The following USP8 variants were observed in gnomAD, a reference collection of about 807,000 sequenced individuals.
The protein encoded by USP8 is ubiquitin carboxyl-terminal hydrolase 8.
In USP8, 27 loss-of-function variants were observed where a neutral mutation model predicts 130.0. The observed-to-expected ratio is 0.21, with a 90% CI of 0.15 to 0.29. The LOEUF (loss-of-function observed/expected upper bound fraction) is 0.29. Among genes scored for constraint, USP8 ranks in the 10% least tolerant of loss-of-function variants. The pLI is 1.00. For missense variants in USP8, 1,029 were observed against 1,312.2 expected (o/e 0.78, Z 3.33); for synonymous variants, 392 against 444.1 (o/e 0.88, Z 1.48).
chr15:50,464,998 A>C, intron 6 of USP8, 49 bp from the exon 7 acceptor site: 1 of 1,599,712 alleles, frequency 6.3e-7, no homozygotes, highest in Non-Finnish European at 8.5e-7. Context: ...TGATGTCAGC[A>C]CATCTTGTGC....
chr15:50,496,150 A>T, intron 17 of USP8, 66 bp downstream of exon 17: 10 of 1,322,984 alleles, frequency 7.6e-6, no homozygotes, highest in Non-Finnish European at 1.0e-5. Context: ...GGATATAGAG[A>T]TGTAAATTTC....
In USP8 at chr15:50,500,609, T is replaced by C. The variant is rs1284966395; in HGVS notation, c.*1521T>C. ...CAAGCAAAACTCTACCACCAGATGC[T>C]GACTGCTTGTTTTGCAGTGTTCAGG... On this transcript the variant is annotated 3_prime_UTR_variant, in exon 20 of 20. Transcript: ENST00000307179. 8.3e-6 allele frequency: 5 copies of C among 605,110 alleles called. No homozygotes were observed. In the Admixed American group the frequency reaches 1.2e-4, roughly 14 times the overall value. The allele number at this position is 605,110 out of a possible 1,614,324, so 37.5% of individuals were successfully genotyped here. A position where few individuals can be genotyped will look rare whatever the true frequency, so the allele number is the denominator to read the frequency against.
intron 4 of USP8, among the ~76,000 whole-genome samples, chr15:50,455,365 A>G (rs2050757992): frequency 6.8e-6 from 1 of 146,908 alleles, no homozygotes; most frequent in Admixed American, 6.7e-5. Context: ...GGCATGAGCC[A>G]CTGCGCCCAG....
At chr15:50,477,252 A>G (rs767539364) in intron 9 of USP8, 24 bp from the exon 10 acceptor site, 1 of 1,596,646 alleles carries the variant, frequency 6.3e-7, no homozygotes, top group East Asian at 2.2e-5. Flanking sequence ...ATTCTAAAAA[A>G]CATTTTTATT....
chr15:50,449,360 C>T (rs765289806), intron 3 of USP8, 40 bp from the exon 4 acceptor site: 11 of 1,368,426 alleles, frequency 8.0e-6, no homozygotes, highest in East Asian at 2.4e-5. Context: ...CATGCAATGC[C>T]GAGAACTAAC....
At chr15:50,489,319 T>G (rs892351408) in intron 12 of USP8, among the ~76,000 whole-genome samples, 1 of 152,200 alleles carries the variant, frequency 6.6e-6, no homozygotes, top group Non-Finnish European at 1.5e-5. Context: ...TAGGATACTA[T>G]AACGTCTATT....
In USP8 at chr15:50,509,988, T is replaced by C. The variant is rs1028792576; in HGVS notation, c.*10900T>C. Reference sequence around the variant, plus strand: ...TTGCTCTGCCAGATATCAATGTTTATTTCAAAGCTATAGCTATAATTAATA... The same window carrying C: ...TTGCTCTGCCAGATATCAATGTTTACTTCAAAGCTATAGCTATAATTAATA... On this transcript the variant is annotated 3_prime_UTR_variant, in exon 20 of 20. Coordinates refer to ENST00000307179, the MANE Select transcript of USP8 (RefSeq NM_005154.5). 3.9e-5 allele frequency: 6 copies of C among 152,114 alleles called. No individual in the cohort carries two copies. Among genetic ancestry groups the C allele is most frequent in the African/African-American group, 4.8e-5 (2 of 41,458 alleles). 9.4% of individuals were successfully genotyped at this position (152,114 alleles called of 1,614,324 possible). A position where few individuals can be genotyped will look rare whatever the true frequency, so the allele number is the denominator to read the frequency against.
Position 50,439,155 on chromosome 15 carries a change from C to A in USP8, c.82C>A (p.Pro28Thr). Residue 28 changes from proline (P) to threonine (T), a missense_variant, in exon 2 of 20, where the codon CCA (proline) becomes ACA (threonine). By Grantham distance (38) the Pro-to-Thr change is conservative. Transcript: ENST00000307179. The part of the protein sequence containing the change: ...KDLNKKTEVK[P>T]EKISTKSYVH... ...CCTTAATAAGAAGACAGAAGTTAAA[C>A]CAGAGAAAATAAGCACTAAGAGGTA... 6.4e-7 allele frequency: 1 copy of A among 1,574,798 alleles called. No individual in the cohort carries two copies.
chr15:50,462,249 G>T (rs767151533), intron 5 of USP8, 31 bp from the exon 6 acceptor site: 2 of 1,581,126 alleles, frequency 1.3e-6, no homozygotes, highest in African/African-American at 1.4e-5. Flanking sequence ...GTCTATGAAA[G>T]TTGAAACTTT....
chr15:50,455,343 G>A (rs2050757504), intron 4 of USP8, among the ~76,000 whole-genome samples: 1 of 151,342 alleles, frequency 6.6e-6, no homozygotes, highest in African/African-American at 2.4e-5. Flanking sequence ...CTCCCAAAGA[G>A]TTAGGATTAT....
At chr15:50,471,277 C>T (rs17597852) in intron 7 of USP8, among the ~76,000 whole-genome samples, 22,344 of 152,148 alleles carry the variant, frequency 0.15, 2,058 homozygotes, top group Middle Eastern at 0.28. Flanking sequence ...ATGAATAATA[C>T]TACCCAGGTG....
chr15:50,477,044 A>G (rs1050704801), intron 9 of USP8, 51 bp downstream of exon 9: 1 of 1,583,704 alleles, frequency 6.3e-7, no homozygotes, highest in Non-Finnish European at 8.5e-7. Context: ...AATATGGTTT[A>G]AAATTGTTTT....
intron 3 of USP8, among the ~76,000 whole-genome samples, chr15:50,446,010 A>T (rs1246548637): frequency 6.6e-6 from 1 of 152,206 alleles, no homozygotes; most frequent in Non-Finnish European, 1.5e-5. Context: ...AAGAAAATGT[A>T]TTGAAAATAT....
intron 6 of USP8, chr15:50,463,595 A>C (rs2051084870): frequency 6.6e-6 from 1 of 152,196 alleles, no homozygotes; most frequent in African/African-American, 2.4e-5. Context: ...ATTCATTCCA[A>C]GATTAGTTTT....
intron 12 of USP8, among the ~76,000 whole-genome samples, chr15:50,488,129 T>C (rs1237282515): frequency 6.6e-6 from 1 of 152,232 alleles, no homozygotes; most frequent in Non-Finnish European, 1.5e-5. Flanking sequence ...CATTCTGTCA[T>C]ATTTTTCACA....
In USP8 at chr15:50,509,105, C is replaced by G. The variant is rs1260879769; in HGVS notation, c.*10017C>G. 7.9e-6 allele frequency: 1 copy of G among 127,212 alleles called. No homozygotes were observed. The highest frequency in any genetic ancestry group is 3.0e-5 in the African/African-American group (1 of 33,028). 7.9% of individuals were successfully genotyped at this position (127,212 alleles called of 1,614,324 possible). A position where few individuals can be genotyped will look rare whatever the true frequency, so the allele number is the denominator to read the frequency against. On this transcript the variant is annotated 3_prime_UTR_variant, in exon 20 of 20. Coordinates refer to ENST00000307179, the MANE Select transcript of USP8 (RefSeq NM_005154.5). ...CCAAGATCGCGCCACTGTGCTCCAGCCTGGGCGACAGAGCGAGACTCCGTC... is the reference window on the plus strand; with the variant it reads ...CCAAGATCGCGCCACTGTGCTCCAGGCTGGGCGACAGAGCGAGACTCCGTC...
chr15:50,427,824 G>T (rs2049792908), intron 1 of USP8, among the ~76,000 whole-genome samples: 1 of 151,214 alleles, frequency 6.6e-6, no homozygotes, highest in Non-Finnish European at 1.5e-5. Flanking sequence ...CTCCCAAAGT[G>T]CTGGGATTAT....
intron 4 of USP8, among the ~76,000 whole-genome samples, chr15:50,451,319 G>T (rs1268630737): frequency 6.6e-6 from 1 of 152,154 alleles, no homozygotes; most frequent in Non-Finnish European, 1.5e-5. Flanking sequence ...GCTGAGGCAG[G>T]AGAATCGCTT....
intron 18 of USP8, 54 bp from the exon 19 acceptor site, chr15:50,498,542 G>A: frequency 6.6e-7 from 1 of 1,520,360 alleles, no homozygotes; most frequent in Non-Finnish European, 8.8e-7. Flanking sequence ...AATGAATGAG[G>A]ATTCATCCTG....
Sources: gnomAD v4.1 joint callset for allele counts (sites outside exome capture counted in the v4.1 genomes callset) on GRCh38, gnomAD v4.1.1 for gene constraint, MANE v1.5 for transcripts, NCBI Gene and HGNC (gene_info 2026-07-23, HGNC 2026-07-21) for gene names.